Variants in HAVCR1 observed in about 807,000 individuals in gnomAD.
The protein encoded by HAVCR1 is T cell immunoglobin domain and mucin domain protein 1.
In HAVCR1, 34 loss-of-function variants were observed where a neutral mutation model predicts 32.0. That is an observed-to-expected ratio of 1.06 (90% CI 0.81 to 1.42). HAVCR1 has a LOEUF of 1.42. HAVCR1 is among the 40% of genes most tolerant of loss of function. The pLI, the probability that HAVCR1 is intolerant of heterozygous loss-of-function variation, is 0.00. For synonymous variants in HAVCR1, 178 were observed against 170.3 expected (o/e 1.05, Z -0.35); for missense variants, 420 against 442.3 (o/e 0.95, Z 0.45).
chr5:157,029,590 A>G lies in HAVCR1; in HGVS notation c.*143T>C. On this transcript the variant is annotated 3_prime_UTR_variant, in exon 9 of 9. Coordinates refer to ENST00000523175, the MANE Select transcript of HAVCR1 (RefSeq NM_001173393.3). ...CAGTTTGGAGTGAGAGAGTTACTCT[A>G]CCCAGTATCACTGACATGTTGGAAT... is the stretch of plus-strand genomic sequence containing the variant. 1.3e-6 allele frequency: 2 copies of G among 1,537,704 alleles called. No individual in the cohort carries two copies. Among genetic ancestry groups the G allele is most frequent in the Non-Finnish European group, 1.7e-6 (2 of 1,145,742 alleles).
At chr5:157,041,856 T>G (rs1245419046) in intron 6 of HAVCR1, among the ~76,000 whole-genome samples, 1 of 152,040 alleles carries the variant, frequency 6.6e-6, no homozygotes, top group Non-Finnish European at 1.5e-5. Context: ...GTCAGGAGTT[T>G]GAGACTAGCC....
Position 157,053,825 on chromosome 5 carries a change from G to C in HAVCR1, c.380-1171C>G, listed in dbSNP as rs185887000. The stretch of plus-strand genomic sequence containing the variant: ...GCAGAGGTTGCAGTGAGCTGAGATC[G>C]CATCACTGCACCCCAGCCTGGGCGA... On this transcript the variant is annotated intron_variant, in intron 3 of 8. Coordinates refer to ENST00000523175, the MANE Select transcript of HAVCR1 (RefSeq NM_001173393.3). 2.2e-4 allele frequency among the ~76,000 whole-genome samples: 32 copies of C among 146,016 alleles called. No individual in the cohort carries two copies. The East Asian group carries it at 6.0e-3, about 28-fold the overall frequency.
At chr5:157,057,380 GAGAGAGGAAAGAAAGAAAGAAA>G (rs1330202071) in intron 2 of HAVCR1, among the ~76,000 whole-genome samples, 24 of 139,330 alleles carry the variant, frequency 1.7e-4, no homozygotes, top group Admixed American at 1.5e-3. Flanking sequence ...GAGAGAGAGA[GAGAGAGGAAAGAAAGAAAGAAA>G]GAAAGAAAGA....
At chr5:157,052,319 C>T (rs1398467473) in intron 4 of HAVCR1, 42 bp downstream of exon 4, 3 of 1,579,178 alleles carry the variant, frequency 1.9e-6, no homozygotes, top group Non-Finnish European at 8.7e-7. Context: ...TCCGCAGCTC[C>T]TCATTAGAAG....
chr5:157,058,264 C>G (rs1756345446), intron 1 of HAVCR1: 1 of 255,266 alleles, frequency 3.9e-6, no homozygotes, highest in South Asian at 7.5e-5. Flanking sequence ...ATCAGGGGAA[C>G]AAACAAAAAG....
chr5:157,052,160 C>T (rs893776120), intron 4 of HAVCR1, among the ~76,000 whole-genome samples: 2 of 152,166 alleles, frequency 1.3e-5, no homozygotes, highest in Non-Finnish European at 2.9e-5. Context: ...CAATGGGTCC[C>T]CTCACTCCAA....
rs1414593172 is a variant in HAVCR1 at position 157,029,499 on chromosome 5, C to A, written c.*234G>T. On this transcript the variant is annotated 3_prime_UTR_variant, in exon 9 of 9. Transcript: ENST00000523175. ...ATATTTGAGAGAAAACTGCAATGAT[C>A]AGAAGGATTGAGCCAGTTTTAGCAT... 4.3e-6 allele frequency: 4 copies of A among 939,972 alleles called. No homozygotes were observed. The highest frequency in any genetic ancestry group is 6.5e-6 in the Non-Finnish European group (4 of 619,186). The allele number at this position is 939,972 out of a possible 1,614,324, so 58.2% of individuals were successfully genotyped here.
chr5:157,034,582 C>G (rs4704731), intron 7 of HAVCR1, among the ~76,000 whole-genome samples: 133,150 of 151,256 alleles, frequency 0.88, 58,715 homozygotes, highest in East Asian at 0.99. Context: ...GTGTCGGGCT[C>G]GGGGAGGGTC....
chr5:157,049,745 T>C (rs1293503385), intron 4 of HAVCR1, among the ~76,000 whole-genome samples: 1 of 152,170 alleles, frequency 6.6e-6, no homozygotes, highest in African/African-American at 2.4e-5. Flanking sequence ...TTGGTAATGA[T>C]TTACAACCCT....
At chr5:157,035,935 G>A (rs1477971228) in intron 7 of HAVCR1, among the ~76,000 whole-genome samples, 4 of 152,178 alleles carry the variant, frequency 2.6e-5, no homozygotes, top group African/African-American at 7.2e-5. Flanking sequence ...TGGAGGAAGT[G>A]AGTAGGCTAT....
chr5:157,045,223 A>G (rs1237450022), intron 5 of HAVCR1, among the ~76,000 whole-genome samples: 3 of 142,886 alleles, frequency 2.1e-5, no homozygotes, highest in Non-Finnish European at 4.6e-5. Flanking sequence ...CTCTCTCAAA[A>G]TATCTTAGTA....
the HAVCR1 span, among the ~76,000 whole-genome samples, chr5:157,065,327 T>C: frequency 3.9e-5 from 6 of 152,050 alleles, no homozygotes; most frequent in Non-Finnish European, 5.9e-5. Flanking sequence ...AAATGGTATT[T>C]TAAAGCCAGG....
chr5:157,055,223 G>A lies in HAVCR1; in HGVS notation c.357C>T (p.Thr119=), dbSNP rs201210672. ...TACGTGGCACAATCTCCAATGATAC[G>A]GTGATTTTCATGTCATTGAACCACC... The part of the protein sequence containing the change: ...HRGWFNDMKI[T]VSLEIVPPKV... The change falls in exon 3 of 9, where the codon ACC becomes ACT. Residue 119 remains threonine, a synonymous_variant. Coordinates refer to ENST00000523175, the MANE Select transcript of HAVCR1 (RefSeq NM_001173393.3). 6.6e-5 allele frequency: 103 copies of A among 1,557,898 alleles called. No individual in the cohort carries two copies. In the Middle Eastern group the frequency reaches 3.4e-3, roughly 52 times the overall value.
chr5:157,045,296 A>C (rs951260474), intron 5 of HAVCR1, among the ~76,000 whole-genome samples: 14 of 152,178 alleles, frequency 9.2e-5, no homozygotes, highest in African/African-American at 2.9e-4. Flanking sequence ...AAACTACTAT[A>C]TATATATTTC....
chr5:157,060,505 T>C (rs4704842), upstream of HAVCR1, among the ~76,000 whole-genome samples: 94,255 of 151,966 alleles, frequency 0.62, 29,523 homozygotes, highest in East Asian at 0.84. Flanking sequence ...GGTCCTTCAA[T>C]CTAAAGTAGC....
At position 157,056,036 on chromosome 5, in the gene HAVCR1, G is replaced by A. The variant is rs942737525; in HGVS notation, c.47-503C>T. Among the ~76,000 whole-genome samples the A allele has an allele frequency of 4.6e-5, 7 of 151,298 alleles. 1 individual carries two copies. The highest frequency in any genetic ancestry group is 2.0e-4 in the East Asian group (1 of 5,042). ...AAGATCTTGGCTCACTGCTACCCCCGCCTCCTGGGTTCAAGCAATTCTCAT... is the reference window on the plus strand; with the variant it reads ...AAGATCTTGGCTCACTGCTACCCCCACCTCCTGGGTTCAAGCAATTCTCAT... On this transcript the variant is annotated intron_variant, in intron 2 of 8. Coordinates refer to ENST00000523175, the MANE Select transcript of HAVCR1 (RefSeq NM_001173393.3).
At position 157,044,415 on chromosome 5, in the gene HAVCR1, AGGAAGG is replaced by A. The variant is rs1192325967; in HGVS notation, c.782-1739_782-1734del. 2.6e-3 allele frequency among the ~76,000 whole-genome samples: 102 copies of A among 39,180 alleles called. 1 individual carries two copies. Among genetic ancestry groups the A allele is most frequent in the African/African-American group, 0.01 (70 of 6,990 alleles). 25.7% of individuals were successfully genotyped at this position (39,180 alleles called of 152,430 possible). On this transcript the variant is annotated intron_variant, in intron 5 of 8. Coordinates refer to ENST00000523175, the MANE Select transcript of HAVCR1 (RefSeq NM_001173393.3). ...AAGGAAGGAAGGAAGGAAGGAAGGA[AGGAAGG>A]AGAAAGAAAGAAAGAAAGAAAGAAA...
chr5:157,061,928 C>T (rs1175921309), upstream of HAVCR1, among the ~76,000 whole-genome samples: 1 of 152,278 alleles, frequency 6.6e-6, no homozygotes, highest in South Asian at 2.1e-4. Flanking sequence ...CATAACTGTA[C>T]AATTCCATAG....
chr5:157,049,245 T>G (rs1755601894), intron 4 of HAVCR1, 100 bp from the exon 5 acceptor site: 1 of 803,142 alleles, frequency 1.2e-6, no homozygotes, highest in South Asian at 1.5e-5. Context: ...TACCATCACC[T>G]TTCCATGGGC....
Sources: allele counts gnomAD v4.1 joint callset (sites outside exome capture counted in the v4.1 genomes callset), GRCh38; gene constraint gnomAD v4.1.1; transcripts MANE v1.5; gene names NCBI Gene and HGNC (gene_info 2026-07-23, HGNC 2026-07-21).